ZMAT4: variants seen among roughly 807,000 people sequenced by gnomAD.
The protein encoded by ZMAT4 is zinc finger matrin-type 4.
ZMAT4 carries 17 observed loss-of-function variants against 28.7 expected under a neutral mutation model. That is an observed-to-expected ratio of 0.59 (90% confidence interval 0.41 to 0.89). The LOEUF is 0.89. Ranked by LOEUF, ZMAT4 falls within the 40% of genes least tolerant of loss-of-function variation. ZMAT4 has a pLI of 0.00. For missense variants in ZMAT4, 240 were observed against 283.8 expected, an observed-to-expected ratio of 0.85 and a Z score of 1.11; for synonymous variants, 117 against 109.2, an observed-to-expected ratio of 1.07 and a Z score of -0.44.
Position 40,825,613 on chromosome 8 carries a change from G to A in ZMAT4, c.64C>T (p.Gln22Ter). The A allele has an allele frequency of 6.4e-7, 1 of 1,554,808 alleles. No homozygotes were observed. Among genetic ancestry groups the A allele is most frequent in the Non-Finnish European group, 8.7e-7 (1 of 1,148,144 alleles). ...ACACGCTGCGATTCGGAGATCAGCT[G>A]TGCACTGCACACCTTGCAGTAACTG... is the stretch of plus-strand genomic sequence containing the variant. Reference protein sequence around the residue: ...TDSYCKVCSAQLISESQRVAH... With the variant: ...TDSYCKVCSA The change falls in exon 2 of 7, where the codon CAG becomes TAG. Residue 22 changes from glutamine to a stop codon, truncating the protein, a stop_gained. Transcript: ENST00000297737. LOFTEE classifies it high-confidence loss of function.
chr8:40,544,999 T>G (rs777161284), intron 6 of ZMAT4, among the ~76,000 whole-genome samples: 47 of 152,196 alleles, frequency 3.1e-4, no homozygotes, highest in Non-Finnish European at 6.0e-4. Flanking sequence ...ATACTGTGTT[T>G]TCCATCTTGT....
chr8:40,835,889 C>T (rs1458784763), intron 1 of ZMAT4, among the ~76,000 whole-genome samples: 1 of 152,202 alleles, frequency 6.6e-6, no homozygotes, highest in African/African-American at 2.4e-5. Flanking sequence ...ATTCTAACTG[C>T]TCGGTGCTGA....
intron 4 of ZMAT4, chr8:40,690,815 C>T: frequency 3.7e-6 from 3 of 819,318 alleles, no homozygotes; most frequent in Non-Finnish European, 2.9e-6. Context: ...TAATTTTCAA[C>T]AGGAAATAAG....
At chr8:40,787,242 G>A (rs898347468) in intron 2 of ZMAT4, among the ~76,000 whole-genome samples, 2 of 152,138 alleles carry the variant, frequency 1.3e-5, no homozygotes, top group Non-Finnish European at 2.9e-5. Context: ...GAACAGTACG[G>A]CAGTCTTCTT....
chr8:40,875,812 G>A (rs1308441735), intron 1 of ZMAT4, among the ~76,000 whole-genome samples: 1 of 151,950 alleles, frequency 6.6e-6, no homozygotes, highest in Non-Finnish European at 1.5e-5. Flanking sequence ...GCATCCATCT[G>A]GCCCAGGACC....
At chr8:40,603,229 G>T (rs1472775227) in intron 5 of ZMAT4, among the ~76,000 whole-genome samples, 1 of 152,136 alleles carries the variant, frequency 6.6e-6, no homozygotes, top group African/African-American at 2.4e-5. Flanking sequence ...AGATCAGTTG[G>T]CTGTGAATAT....
chr8:40,860,352 C>T (rs1817445869), intron 1 of ZMAT4, among the ~76,000 whole-genome samples: 1 of 152,136 alleles, frequency 6.6e-6, no homozygotes, highest in Non-Finnish European at 1.5e-5. Context: ...CATTGCCACA[C>T]TCTGTCCGCA....
At position 40,576,847 on chromosome 8, in the gene ZMAT4, T is replaced by C; in HGVS notation, c.674+4318A>G. On this transcript the variant is annotated intron_variant, in intron 6 of 6. Coordinates refer to ENST00000297737, the MANE Select transcript of ZMAT4 (RefSeq NM_024645.3). ...AACCTAAAAATATAACTACCATATG[T>C]TCCAGTAATTCCACTACTGGGTATG... Among the ~76,000 whole-genome samples, 3 of 152,262 alleles carry C rather than the reference T, an allele frequency of 2.0e-5. No individual in the cohort carries two copies. In the Middle Eastern group the frequency reaches 0.01, roughly 518 times the overall value.
At chr8:40,809,108 A>G (rs1429997831) in intron 2 of ZMAT4, among the ~76,000 whole-genome samples, 1 of 152,228 alleles carries the variant, frequency 6.6e-6, no homozygotes, top group African/African-American at 2.4e-5. Flanking sequence ...TGGTACATAC[A>G]CAGCATGGAA....
intron 3 of ZMAT4, among the ~76,000 whole-genome samples, chr8:40,717,358 A>G (rs1391341275): frequency 6.6e-6 from 1 of 152,202 alleles, no homozygotes; most frequent in Non-Finnish European, 1.5e-5. Context: ...TAAAATACTC[A>G]AAATAAAGCA....
chr8:40,862,337 G>A lies in ZMAT4; in HGVS notation c.-5+35346C>T, dbSNP rs558316858. 5.1e-4 allele frequency among the ~76,000 whole-genome samples: 72 copies of A among 142,022 alleles called. 1 individual carries two copies. The highest frequency in any genetic ancestry group is 3.6e-3 in the South Asian group (16 of 4,432). The allele number at this position is 142,022 out of a possible 152,430, so 93.2% of individuals were successfully genotyped here. On this transcript the variant is annotated intron_variant, in intron 1 of 6. Coordinates refer to ENST00000297737, the MANE Select transcript of ZMAT4 (RefSeq NM_024645.3). Reference sequence around the variant, plus strand: ...TCGCAAGGACAAAAAACCAAACACCGCATATTCTCACTCATAGGTGGGAAC... The same window carrying A: ...TCGCAAGGACAAAAAACCAAACACCACATATTCTCACTCATAGGTGGGAAC...
intron 6 of ZMAT4, among the ~76,000 whole-genome samples, chr8:40,559,977 T>C (rs1803682391): frequency 6.6e-6 from 1 of 152,038 alleles, no homozygotes; most frequent in African/African-American, 2.4e-5. Context: ...GCAGAGGAGA[T>C]ACTGGGGCTG....
At chr8:40,557,782 C>T (rs1443300587) in intron 6 of ZMAT4, among the ~76,000 whole-genome samples, 3 of 151,988 alleles carry the variant, frequency 2.0e-5, no homozygotes, top group African/African-American at 7.3e-5. Flanking sequence ...GAACAAGACC[C>T]AGAAAAGCCA....
intron 1 of ZMAT4, among the ~76,000 whole-genome samples, chr8:40,838,448 A>G (rs1586146082): frequency 6.6e-6 from 1 of 151,794 alleles, no homozygotes; most frequent in Non-Finnish European, 1.5e-5. Context: ...GCTCAAGCAA[A>G]CCTCCTGCCT....
intron 5 of ZMAT4, among the ~76,000 whole-genome samples, chr8:40,666,314 C>G (rs1808411345): frequency 1.3e-5 from 2 of 152,054 alleles, no homozygotes; most frequent in Admixed American, 1.3e-4. Context: ...TAATTTAAAA[C>G]TTGGAAGTAG....
intron 5 of ZMAT4, among the ~76,000 whole-genome samples, chr8:40,610,940 T>C (rs1585755265): frequency 2.5e-5 from 2 of 79,980 alleles, no homozygotes; most frequent in African/African-American, 1.8e-4. Flanking sequence ...CTTTTGCATT[T>C]TTTTTTTTTT....
intron 3 of ZMAT4, among the ~76,000 whole-genome samples, chr8:40,710,139 G>A (rs1810541718): frequency 6.6e-6 from 1 of 151,876 alleles, no homozygotes. Context: ...TGGGGATAAA[G>A]TACAGTGTAT....
At chr8:40,783,854 T>TA (rs949319764) in intron 2 of ZMAT4, among the ~76,000 whole-genome samples, 66 of 152,044 alleles carry the variant, frequency 4.3e-4, no homozygotes, top group Admixed American at 1.1e-3. Context: ...CTACTAAAAA[T>TA]AAAAAAATTA....
intron 3 of ZMAT4, among the ~76,000 whole-genome samples, chr8:40,743,156 A>T (rs1360848798): frequency 6.6e-6 from 1 of 152,192 alleles, no homozygotes; most frequent in Non-Finnish European, 1.5e-5. Context: ...CAGAAAAGAA[A>T]ATAAATACAT....
Sources: gnomAD v4.1 joint callset for allele counts (sites outside exome capture counted in the v4.1 genomes callset) on GRCh38, gnomAD v4.1.1 for gene constraint, MANE v1.5 for transcripts, NCBI Gene and HGNC (gene_info 2026-07-23, HGNC 2026-07-21) for gene names.